Variants in STARD9 observed in about 807,000 individuals in gnomAD.
The protein encoded by STARD9 is stAR-related lipid transfer protein 9.
STARD9 carries 346 observed loss-of-function variants against 399.8 expected under a neutral mutation model. The ratio of observed to expected loss-of-function variants is 0.87; its 90% CI spans 0.79 to 0.95. The LOEUF is 0.95. Among genes scored for constraint, STARD9 ranks in the 40% least tolerant of loss-of-function variants. The probability of loss-of-function intolerance (pLI) is 0.00; values close to 1 mark genes in which losing one functional copy is unlikely to be tolerated. For synonymous variants in STARD9, 2,203 were observed against 2,143.5 expected, an observed-to-expected ratio of 1.03 and a Z score of -0.77; for missense variants, 5,832 against 5,667.5, an observed-to-expected ratio of 1.03 and a Z score of -0.93.
At chr15:42,699,762 A>G (rs2140329384) in intron 26 of STARD9, among the ~76,000 whole-genome samples, 1 of 151,938 alleles carries the variant, frequency 6.6e-6, no homozygotes, top group Admixed American at 6.6e-5. Context: ...GCTGGAGTGC[A>G]ATGGTGCAAA....
intron 7 of STARD9, among the ~76,000 whole-genome samples, chr15:42,647,722 G>A (rs1482366804): frequency 6.6e-6 from 1 of 152,230 alleles, no homozygotes; most frequent in Middle Eastern, 3.4e-3. Context: ...TGGTCTGCTT[G>A]TATTTAATGT....
chr15:42,684,719 T>C lies in STARD9; in HGVS notation c.3141T>C (p.Val1047=), dbSNP rs1276154260. 1 of 1,537,102 alleles carries C rather than the reference T, an allele frequency of 6.5e-7. No homozygotes were observed. The highest frequency in any genetic ancestry group is 1.4e-5 in the African/African-American group (1 of 73,046). The change falls in exon 23 of 33, where the codon GTT becomes GTC. Residue 1047 remains valine, a synonymous_variant. Coordinates refer to ENST00000290607, the MANE Select transcript of STARD9 (RefSeq NM_020759.3). Reference sequence around the variant, plus strand: ...GGGCATCAAAAAGGCATCAGAGGGTTCTGGCAACTAGGGTCAGAAATATTA... The same window carrying C: ...GGGCATCAAAAAGGCATCAGAGGGTCCTGGCAACTAGGGTCAGAAATATTA... ...PSRASKRHQR[V]LATRVRNITK...
chr15:42,612,150 A>T (rs1356816820), intron 3 of STARD9, among the ~76,000 whole-genome samples: 1 of 151,952 alleles, frequency 6.6e-6, no homozygotes, highest in Non-Finnish European at 1.5e-5. Flanking sequence ...GCTAATCTTT[A>T]TATTTTTTGT....
At position 42,694,037 on chromosome 15, in the gene STARD9, T is replaced by G. The variant is rs1566951395; in HGVS notation, c.12459T>G (p.Pro4153=). The G allele has an allele frequency of 6.5e-7, 1 of 1,534,526 alleles. No homozygotes were observed. The highest frequency in any genetic ancestry group is 1.4e-5 in the African/African-American group (1 of 73,082). ...SNWCGVQKGS[P]GGLDMTEEEL... ...GGTGTGGGGTTCAGAAGGGCTCACC[T>G]GGGGGGTTGGACATGACTGAGGAGG... The change falls in exon 23 of 33, where the codon CCT becomes CCG. Residue 4153 remains proline (P), a synonymous_variant. Coordinates refer to ENST00000290607, the MANE Select transcript of STARD9 (RefSeq NM_020759.3).
intron 2 of STARD9, among the ~76,000 whole-genome samples, chr15:42,583,762 A>G (rs934062063): frequency 2.6e-5 from 4 of 152,206 alleles, no homozygotes; most frequent in Non-Finnish European, 5.9e-5. Context: ...CCTGACCACC[A>G]GTTAAACTTT....
chr15:42,626,956 TC>T (rs1475657242), intron 3 of STARD9, among the ~76,000 whole-genome samples: 2 of 151,906 alleles, frequency 1.3e-5, no homozygotes, highest in East Asian at 3.9e-4. Flanking sequence ...GCTAAAGCGA[TC>T]CTTCAACTTC....
In STARD9 at chr15:42,690,139, A is replaced by G. The variant is rs768096513; in HGVS notation, c.8561A>G (p.Asp2854Gly). Residue 2854 changes from aspartate (D) to glycine (G), a missense_variant, in exon 23 of 33, where the codon GAT becomes GGT. By Grantham distance (94) the Asp-to-Gly change is moderately conservative. Transcript: ENST00000290607. ...FEEGRASPKQ[D>G]TILPGALTRV... ...GAAGGTAGGGCAAGTCCCAAACAAG[A>G]TACCATTCTGCCTGGAGCTCTGACA... The G allele has an allele frequency of 1.9e-4, 297 of 1,537,678 alleles. 1 individual carries two copies. The highest frequency in any genetic ancestry group is 2.3e-4 in the Non-Finnish European group (269 of 1,147,058).
At chr15:42,661,089 A>G in intron 9 of STARD9, 69 bp from the exon 10 acceptor site, 1 of 1,161,562 alleles carries the variant, frequency 8.6e-7, no homozygotes, top group Non-Finnish European at 1.2e-6. Context: ...CACCTTGGTT[A>G]GAAGAGTTCT....
At chr15:42,604,602 A>G (rs2058693072) in intron 3 of STARD9, among the ~76,000 whole-genome samples, 2 of 128,000 alleles carry the variant, frequency 1.6e-5, no homozygotes, top group Admixed American at 7.9e-5. Flanking sequence ...TCATAGTATG[A>G]TTGCTTTATT....
At chr15:42,684,081 C>A in intron 22 of STARD9, 35 bp from the exon 23 acceptor site, 1 of 1,498,910 alleles carries the variant, frequency 6.7e-7, no homozygotes, top group South Asian at 1.3e-5. Context: ...TAGTACCTCT[C>A]ACATCTTCTG....
At chr15:42,659,121 AAGAG>A (rs1410174045) in intron 9 of STARD9, among the ~76,000 whole-genome samples, 1 of 152,268 alleles carries the variant, frequency 6.6e-6, no homozygotes, top group African/African-American at 2.4e-5. Flanking sequence ...GAAAGAAAGA[AAGAG>A]AGAAAAGAAG....
intron 3 of STARD9, among the ~76,000 whole-genome samples, chr15:42,599,579 G>T (rs2058581617): frequency 6.6e-6 from 1 of 152,130 alleles, no homozygotes; most frequent in South Asian, 2.1e-4. Context: ...ATAGTATCTT[G>T]TTACTCCCTT....
chr15:42,674,993 C>A, intron 18 of STARD9, 29 bp downstream of exon 18: 1 of 1,491,956 alleles, frequency 6.7e-7, no homozygotes, highest in Admixed American at 2.3e-5. Context: ...CTGTTTATCC[C>A]AAGATGAGTG....
intron 16 of STARD9, chr15:42,673,870 GT>G (rs2060254248): frequency 4.4e-6 from 2 of 455,276 alleles, no homozygotes; most frequent in East Asian, 7.0e-5. Context: ...CTCTCTTCCA[GT>G]TCTTTTTTAT....
chr15:42,652,712 G>A (rs2059788131), intron 9 of STARD9, 120 bp downstream of exon 9: 1 of 919,214 alleles, frequency 1.1e-6, no homozygotes, highest in South Asian at 1.5e-5. Context: ...GTCTCAGTCT[G>A]TTGCCCAGAC....
intron 26 of STARD9, among the ~76,000 whole-genome samples, chr15:42,714,648 A>G (rs560256218): frequency 7.2e-5 from 11 of 152,292 alleles, no homozygotes; most frequent in Non-Finnish European, 1.2e-4. Flanking sequence ...GAGGCCAGGT[A>G]CAGTGGCTCA....
intron 3 of STARD9, among the ~76,000 whole-genome samples, chr15:42,627,022 G>A (rs989294923): frequency 6.6e-6 from 1 of 152,202 alleles, no homozygotes; most frequent in Non-Finnish European, 1.5e-5. Context: ...TATTACAAGT[G>A]TGTACCACCG....
intron 4 of STARD9, 141 bp from the exon 5 acceptor site, chr15:42,637,766 A>G (rs1595684548): frequency 2.5e-6 from 2 of 805,554 alleles, no homozygotes; most frequent in East Asian, 5.3e-5. Flanking sequence ...TATATTCCCC[A>G]GTGAAACTGC....
chr15:42,695,719 T>C (rs1459537626), intron 25 of STARD9, 24 bp from the exon 26 acceptor site: 1 of 1,534,162 alleles, frequency 6.5e-7, no homozygotes, highest in South Asian at 1.2e-5. Context: ...CAGAAGCTGG[T>C]TAATGGTGAT....
Sources: gnomAD v4.1 joint callset for allele counts (sites outside exome capture counted in the v4.1 genomes callset) on GRCh38, gnomAD v4.1.1 for gene constraint, MANE v1.5 for transcripts, NCBI Gene and HGNC (gene_info 2026-07-23, HGNC 2026-07-21) for gene names.